The following TMEM123 variants were observed in gnomAD, a reference collection of about 807,000 sequenced individuals.
TMEM123 encodes the protein porimin.
In TMEM123, 16 loss-of-function variants were observed where a neutral mutation model predicts 19.7. The ratio of observed to expected loss-of-function variants is 0.81; its 90% CI spans 0.55 to 1.23. The LOEUF is 1.23. TMEM123 is among the 50% of genes most tolerant of loss of function. The pLI is 0.00. For synonymous variants in TMEM123, 118 were observed against 99.4 expected, an observed-to-expected ratio of 1.19 and a Z score of -1.12; for missense variants, 313 against 257.8, an observed-to-expected ratio of 1.21 and a Z score of -1.47.
intron 2 of TMEM123, among the ~76,000 whole-genome samples, chr11:102,441,814 A>G (rs1472850351): frequency 1.3e-5 from 2 of 152,188 alleles, no homozygotes; most frequent in Non-Finnish European, 2.9e-5. Context: ...CAAGACTAAT[A>G]AAGAAGAAAA....
intron 2 of TMEM123, among the ~76,000 whole-genome samples, chr11:102,434,917 T>G (rs563124945): frequency 1.3e-5 from 2 of 152,100 alleles, no homozygotes; most frequent in Non-Finnish European, 1.5e-5. Flanking sequence ...ATGGGAACTC[T>G]TAAAATCTAC....
chr11:102,433,900 G>A (rs1857736939), intron 2 of TMEM123, among the ~76,000 whole-genome samples: 1 of 151,638 alleles, frequency 6.6e-6, no homozygotes, highest in Non-Finnish European at 1.5e-5. Context: ...CTTCTGCCAT[G>A]ATTATAAGTT....
chr11:102,405,048 CTT>C (rs1431051343), intron 2 of TMEM123, among the ~76,000 whole-genome samples: 1 of 150,534 alleles, frequency 6.6e-6, no homozygotes, highest in Non-Finnish European at 1.5e-5. Context: ...GACCTATTTT[CTT>C]TTTTCTTTTT....
chr11:102,437,331 C>T (rs1397393480), intron 2 of TMEM123, among the ~76,000 whole-genome samples: 2 of 151,886 alleles, frequency 1.3e-5, no homozygotes, highest in African/African-American at 4.8e-5. Context: ...CGGTGGCACA[C>T]ACCAGTAATC....
At chr11:102,449,751 C>A (rs1281176953) in intron 1 of TMEM123, among the ~76,000 whole-genome samples, 1 of 152,210 alleles carries the variant, frequency 6.6e-6, no homozygotes, top group African/African-American at 2.4e-5. Context: ...CAGCAGATAG[C>A]AAACAATTGC....
rs1359750661 is a variant in TMEM123 at position 102,407,447 on chromosome 11, G to A, written c.158-5241C>T. 2.0e-5 allele frequency among the ~76,000 whole-genome samples: 3 copies of A among 152,196 alleles called. No homozygotes were observed. The East Asian group carries it at 5.8e-4, about 29-fold the overall frequency. ...TGACATACAGTTGTCCATGCTCAGT[G>A]TTAAGGGTTGAATTGTTCCCCTCTC... is the stretch of plus-strand genomic sequence containing the variant. On this transcript the variant is annotated intron_variant, in intron 2 of 4. Coordinates refer to ENST00000398136, the MANE Select transcript of TMEM123 (RefSeq NM_052932.3).
At chr11:102,449,007 C>T (rs2135867909) in intron 1 of TMEM123, 139 bp from the exon 2 acceptor site, 1 of 794,814 alleles carries the variant, frequency 1.3e-6, no homozygotes, top group Non-Finnish European at 2.1e-6. Context: ...TACTTTGGCC[C>T]CTGTTGTTAT....
chr11:102,451,903 G>T (rs1268810275), intron 1 of TMEM123, among the ~76,000 whole-genome samples: 2 of 152,242 alleles, frequency 1.3e-5, no homozygotes, highest in Non-Finnish European at 2.9e-5. Context: ...CACACGAGGG[G>T]TGGAGAGCGC....
chr11:102,444,314 T>C (rs904497782), intron 2 of TMEM123, among the ~76,000 whole-genome samples: 1 of 152,070 alleles, frequency 6.6e-6, no homozygotes, highest in African/African-American at 2.4e-5. Flanking sequence ...CCATCAATGA[T>C]AGAGTGGATT....
At chr11:102,418,597 G>A (rs996794197) in intron 2 of TMEM123, among the ~76,000 whole-genome samples, 1 of 152,208 alleles carries the variant, frequency 6.6e-6, no homozygotes, top group Non-Finnish European at 1.5e-5. Context: ...GTGGAAAGCA[G>A]TTTGAAGATT....
chr11:102,444,515 G>A (rs1449657774), intron 2 of TMEM123, among the ~76,000 whole-genome samples: 3 of 151,034 alleles, frequency 2.0e-5, no homozygotes, highest in East Asian at 2.0e-4. Context: ...AACACAGGGT[G>A]GGGAACATCA....
At chr11:102,407,526 G>A (rs1591554624) in intron 2 of TMEM123, among the ~76,000 whole-genome samples, 1 of 152,164 alleles carries the variant, frequency 6.6e-6, no homozygotes, top group Admixed American at 6.5e-5. Flanking sequence ...TTCAGAATGT[G>A]ACCTTATTTG....
At chr11:102,430,145 G>T (rs531350) in intron 2 of TMEM123, among the ~76,000 whole-genome samples, 127,449 of 152,198 alleles carry the variant, frequency 0.84, 53,795 homozygotes, top group East Asian at 0.99. Flanking sequence ...GACCACAGAA[G>T]ACAACTGTGG....
At chr11:102,434,870 G>GC (rs1310101799) in intron 2 of TMEM123, among the ~76,000 whole-genome samples, 1 of 151,728 alleles carries the variant, frequency 6.6e-6, no homozygotes, top group African/African-American at 2.4e-5. Flanking sequence ...GTGTATTCTT[G>GC]CACTTTTGTC....
chr11:102,430,485 G>A (rs1331097846), intron 2 of TMEM123, among the ~76,000 whole-genome samples: 1 of 152,186 alleles, frequency 6.6e-6, no homozygotes. Flanking sequence ...AAGCCTAGAG[G>A]TCTAGGACTG....
intron 2 of TMEM123, among the ~76,000 whole-genome samples, chr11:102,443,002 A>G (rs548442583): frequency 3.3e-4 from 51 of 152,318 alleles, no homozygotes; most frequent in African/African-American, 1.1e-3. Context: ...ATGTGAAGGA[A>G]CTGTTCAAGG....
In TMEM123 at chr11:102,398,837, C is replaced by T. The variant is rs759957978; in HGVS notation, c.*30G>A. 6.2e-7 allele frequency: 1 copy of T among 1,607,382 alleles called. No homozygotes were observed. Among genetic ancestry groups the T allele is most frequent in the East Asian group, 2.2e-5 (1 of 44,744 alleles). On this transcript the variant is annotated 3_prime_UTR_variant, in exon 5 of 5. Coordinates refer to ENST00000398136, the MANE Select transcript of TMEM123 (RefSeq NM_052932.3). ...AATTAATTGATAGGGCAGCATCAAT[C>T]TGTATTCCATCCTTGGTCCATGGAT...
At chr11:102,450,938 T>C (rs1304956513) in intron 1 of TMEM123, among the ~76,000 whole-genome samples, 1 of 152,250 alleles carries the variant, frequency 6.6e-6, no homozygotes, top group Admixed American at 6.5e-5. Flanking sequence ...TAACAGTTAC[T>C]AGCTTTTTTG....
intron 2 of TMEM123, among the ~76,000 whole-genome samples, chr11:102,403,086 A>G (rs564720718): frequency 5.9e-5 from 9 of 151,450 alleles, no homozygotes; most frequent in East Asian, 1.9e-4. Context: ...TCTCGGCTCA[A>G]TGCAACCTCC....
Sources: allele counts gnomAD v4.1 joint callset (sites outside exome capture counted in the v4.1 genomes callset), GRCh38; gene constraint gnomAD v4.1.1; transcripts MANE v1.5; gene names NCBI Gene and HGNC (gene_info 2026-07-23, HGNC 2026-07-21).